ZDHHC14: variants seen among roughly 807,000 people sequenced by gnomAD.
ZDHHC14 encodes palmitoyltransferase ZDHHC14.
ZDHHC14 carries 16 observed loss-of-function variants against 47.7 expected under a neutral mutation model. The ratio of observed to expected loss-of-function variants is 0.34; its 90% CI spans 0.23 to 0.51. The LOEUF (loss-of-function observed/expected upper bound fraction) is 0.51. Ranked by LOEUF, ZDHHC14 falls within the 20% of genes least tolerant of loss-of-function variation. The pLI, the probability that ZDHHC14 is intolerant of heterozygous loss-of-function variation, is 0.97. For missense variants in ZDHHC14, 515 were observed against 662.5 expected (o/e 0.78, Z 2.44); for synonymous variants, 293 against 278.9 (o/e 1.05, Z -0.50).
chr6:157,478,587 G>C (rs1376814246), intron 1 of ZDHHC14, among the ~76,000 whole-genome samples: 2 of 152,196 alleles, frequency 1.3e-5, no homozygotes, highest in African/African-American at 4.8e-5. Flanking sequence ...ACACACAAGA[G>C]AGTCAAAGAA....
chr6:157,599,664 A>G (rs1784268221), intron 3 of ZDHHC14, among the ~76,000 whole-genome samples: 1 of 152,240 alleles, frequency 6.6e-6, no homozygotes, highest in Admixed American at 6.5e-5. Context: ...AAGCAAATAA[A>G]TGAACAAAGC....
chr6:157,657,443 C>T (rs534762299), intron 8 of ZDHHC14, among the ~76,000 whole-genome samples: 15 of 152,280 alleles, frequency 9.9e-5, no homozygotes, highest in African/African-American at 3.6e-4. Flanking sequence ...GAACAAGGCT[C>T]ACATGCACCT....
chr6:157,596,677 G>A (rs1434425499), intron 3 of ZDHHC14, among the ~76,000 whole-genome samples: 2 of 152,056 alleles, frequency 1.3e-5, no homozygotes, highest in Admixed American at 6.6e-5. Flanking sequence ...TTGTCTGAAC[G>A]CTCCCAGCTG....
intron 2 of ZDHHC14, among the ~76,000 whole-genome samples, chr6:157,591,911 C>T (rs1204122410): frequency 6.6e-6 from 1 of 152,186 alleles, no homozygotes; most frequent in African/African-American, 2.4e-5. Context: ...TTAGGTCTGG[C>T]TTGCATCTGT....
At chr6:157,414,010 C>T (rs990475945) in intron 1 of ZDHHC14, among the ~76,000 whole-genome samples, 1 of 152,160 alleles carries the variant, frequency 6.6e-6, no homozygotes, top group African/African-American at 2.4e-5. Flanking sequence ...AATTTTGGCT[C>T]ACCATAACCT....
At chr6:157,479,580 C>T (rs1213807534) in intron 1 of ZDHHC14, among the ~76,000 whole-genome samples, 1 of 152,182 alleles carries the variant, frequency 6.6e-6, no homozygotes, top group Non-Finnish European at 1.5e-5. Context: ...TTAAATACCT[C>T]GTTAGCCATC....
chr6:157,592,853 G>T, intron 2 of ZDHHC14, 135 bp from the exon 3 acceptor site: 1 of 1,480,798 alleles, frequency 6.8e-7, no homozygotes, highest in South Asian at 1.4e-5. Context: ...CCCCAGCCTG[G>T]GTAAACCGTG....
chr6:157,518,846 G>A (rs1457368379), intron 1 of ZDHHC14, among the ~76,000 whole-genome samples: 4 of 152,224 alleles, frequency 2.6e-5, no homozygotes, highest in Admixed American at 6.5e-5. Context: ...GCGCATTCTT[G>A]TGAGGGGTGT....
At chr6:157,471,001 G>C in intron 1 of ZDHHC14, among the ~76,000 whole-genome samples, 2 of 152,246 alleles carry the variant, frequency 1.3e-5, no homozygotes, top group Middle Eastern at 3.4e-3. Flanking sequence ...AGTCGTCTTC[G>C]GTAGTTAGTG....
At chr6:157,458,074 T>C (rs1778971415) in intron 1 of ZDHHC14, among the ~76,000 whole-genome samples, 1 of 152,262 alleles carries the variant, frequency 6.6e-6, no homozygotes, top group African/African-American at 2.4e-5. Context: ...CAGGCGGATA[T>C]GCCTCCTCTT....
At chr6:157,605,712 G>A (rs1200372033) in intron 3 of ZDHHC14, among the ~76,000 whole-genome samples, 1 of 152,186 alleles carries the variant, frequency 6.6e-6, no homozygotes, top group East Asian at 1.9e-4. Context: ...AACATGTGAG[G>A]AAGGCCATGA....
At chr6:157,592,736 G>T in intron 2 of ZDHHC14, 1 of 1,243,712 alleles carries the variant, frequency 8.0e-7, no homozygotes, top group Non-Finnish European at 1.0e-6. Context: ...GGGCCTGGCT[G>T]GGTGGGGCCA....
intron 1 of ZDHHC14, among the ~76,000 whole-genome samples, chr6:157,458,849 ATTTT>A (rs750975822): frequency 8.6e-5 from 7 of 81,218 alleles, no homozygotes; most frequent in African/African-American, 1.4e-4. Context: ...ATGTGGGTGG[ATTTT>A]TTTTTTTTTT....
At chr6:157,592,354 A>AT (rs1027222259) in intron 2 of ZDHHC14, among the ~76,000 whole-genome samples, 33 of 152,302 alleles carry the variant, frequency 2.2e-4, no homozygotes, top group South Asian at 6.2e-4. Context: ...ACATTTAATG[A>AT]TTTTTTAAAA....
chr6:157,489,164 G>A (rs1034184706), intron 1 of ZDHHC14, among the ~76,000 whole-genome samples: 2 of 152,238 alleles, frequency 1.3e-5, no homozygotes, highest in East Asian at 1.9e-4. Context: ...AACTCACAGG[G>A]AATCTCAGCT....
intron 1 of ZDHHC14, among the ~76,000 whole-genome samples, chr6:157,433,339 G>T (rs1239091677): frequency 6.6e-6 from 1 of 152,172 alleles, no homozygotes; most frequent in Admixed American, 6.5e-5. Flanking sequence ...TCGAAAGAAG[G>T]GTAGTTTAAA....
intron 1 of ZDHHC14, among the ~76,000 whole-genome samples, chr6:157,423,890 C>T (rs1332680415): frequency 1.3e-5 from 2 of 152,160 alleles, no homozygotes; most frequent in African/African-American, 4.8e-5. Context: ...ACCCCCCAGG[C>T]GATTCGTGTG....
At chr6:157,620,447 T>G (rs1049553624) in intron 3 of ZDHHC14, among the ~76,000 whole-genome samples, 5 of 152,314 alleles carry the variant, frequency 3.3e-5, no homozygotes, top group African/African-American at 1.2e-4. Flanking sequence ...GGACAAATAT[T>G]CAAACCCTAG....
intron 2 of ZDHHC14, among the ~76,000 whole-genome samples, chr6:157,550,045 TC>T (rs1200124252): frequency 6.6e-6 from 1 of 152,214 alleles, no homozygotes; most frequent in Non-Finnish European, 1.5e-5. Flanking sequence ...GTCTTCTTGG[TC>T]CTCTAGAGAG....
Sources: allele counts gnomAD v4.1 joint callset (sites outside exome capture counted in the v4.1 genomes callset), GRCh38; gene constraint gnomAD v4.1.1; transcripts MANE v1.5; gene names NCBI Gene and HGNC (gene_info 2026-07-23, HGNC 2026-07-21).